PDS5A: variants seen among roughly 807,000 people sequenced by gnomAD.
PDS5A encodes the protein PDS5 cohesin associated factor A, also known as sister chromatid cohesion protein PDS5 homolog A.
A neutral mutation model predicts 167.1 loss-of-function variants in PDS5A; 42 were observed. The observed-to-expected ratio is 0.25, with a 90% CI of 0.20 to 0.33. The LOEUF is 0.33. Among genes scored for constraint, PDS5A ranks in the 10% least tolerant of loss-of-function variants. PDS5A has a pLI of 1.00. For missense variants in PDS5A, 1,033 were observed against 1,605.9 expected (o/e 0.64, Z 6.10); for synonymous variants, 553 against 554.6 (o/e 1.00, Z 0.04).
intron 14 of PDS5A, among the ~76,000 whole-genome samples, chr4:39,899,198 A>G (rs1222511471): frequency 6.6e-6 from 1 of 152,170 alleles, no homozygotes; most frequent in East Asian, 1.9e-4. Context: ...AAAATTAACT[A>G]AAAATATAGA....
chr4:39,945,458 C>CAAAAAAAAA (rs1210256217), intron 2 of PDS5A, among the ~76,000 whole-genome samples: 13 of 66,824 alleles, frequency 1.9e-4, no homozygotes, highest in Admixed American at 1.5e-3. Context: ...GAGACTGCCT[C>CAAAAAAAAA]AAAAAAAAAA....
At position 39,898,421 on chromosome 4, in the gene PDS5A, T is replaced by C. The variant is rs193075238; in HGVS notation, c.1738A>G (p.Thr580Ala). ...ATATCTGCTTGTTTGCAAGAACAGG[T>C]TGGGCTAATTAATAACTCCAACTGA... is the stretch of plus-strand genomic sequence containing the variant. The part of the protein sequence containing the change: ...RSQLELLISP[T>A]CSCKQADICV... Residue 580 changes from threonine (T) to alanine (A), a missense_variant, in exon 16 of 33, where the codon ACC becomes GCC. Around this residue, in one of 4 missense-constraint regions of PDS5A, gnomAD observed 367 missense variants for 686.7 expected, o/e 0.53. Transcript: ENST00000303538. 7.6e-5 allele frequency: 120 copies of C among 1,585,864 alleles called. 1 individual carries two copies. In the East Asian group the frequency reaches 1.9e-3, roughly 25 times the overall value.
chr4:39,867,051 G>C, intron 22 of PDS5A, 54 bp from the exon 23 acceptor site: 1 of 1,402,962 alleles, frequency 7.1e-7, no homozygotes, highest in East Asian at 2.4e-5. Context: ...TCCAATTAAA[G>C]GGAAAATTAA....
At chr4:39,891,516 C>T (rs545232906) in intron 16 of PDS5A, among the ~76,000 whole-genome samples, 3 of 152,006 alleles carry the variant, frequency 2.0e-5, no homozygotes, top group South Asian at 4.2e-4. Context: ...GGCTTGGTGG[C>T]GCATGCCTGT....
chr4:39,829,653 A>G (rs1425265269), intron 32 of PDS5A, among the ~76,000 whole-genome samples: 1 of 149,804 alleles, frequency 6.7e-6, no homozygotes, highest in African/African-American at 2.5e-5. Flanking sequence ...TCTCCACAAA[A>G]AAAAAAAAAA....
chr4:39,874,158 T>C (rs1720279046), intron 20 of PDS5A, 131 bp downstream of exon 20: 2 of 648,368 alleles, frequency 3.1e-6, no homozygotes, highest in East Asian at 2.7e-5. Flanking sequence ...GAATCCTTGC[T>C]CACAAGGAAT....
intron 16 of PDS5A, among the ~76,000 whole-genome samples, chr4:39,895,416 G>A (rs1157809649): frequency 6.6e-6 from 1 of 151,832 alleles, no homozygotes; most frequent in Non-Finnish European, 1.5e-5. Flanking sequence ...AAATATAAAA[G>A]ATAAAAACAC....
intron 11 of PDS5A, among the ~76,000 whole-genome samples, chr4:39,907,787 C>T (rs569390592): frequency 2.0e-5 from 3 of 152,162 alleles, no homozygotes; most frequent in East Asian, 1.9e-4. Flanking sequence ...GGGGTTTCAC[C>T]GTGTTAGCCA....
At chr4:39,890,113 G>C in intron 17 of PDS5A, 136 bp downstream of exon 17, 1 of 485,070 alleles carries the variant, frequency 2.1e-6, no homozygotes, top group Non-Finnish European at 3.6e-6. Flanking sequence ...CCTTCAACTT[G>C]AATGATGTAC....
chr4:39,845,379 C>G (rs78041971), intron 29 of PDS5A, among the ~76,000 whole-genome samples: 1 of 151,930 alleles, frequency 6.6e-6, no homozygotes, highest in Non-Finnish European at 1.5e-5. Context: ...ATAAATGCTC[C>G]TATAAATAAA....
intron 22 of PDS5A, 114 bp downstream of exon 22, chr4:39,869,280 G>C (rs944556102): frequency 4.1e-6 from 3 of 735,908 alleles, no homozygotes; most frequent in Non-Finnish European, 7.3e-6. Flanking sequence ...AGACCAAACT[G>C]AGCAACACAG....
In PDS5A at chr4:39,897,151, T is replaced by C. The variant is rs151039243; in HGVS notation, c.1770+1238A>G. On this transcript the variant is annotated intron_variant, in intron 16 of 32. Transcript: ENST00000303538. ...GCTCATGCCTGTAACCCCAGCACTTTGGGAGGCCGAGGTGGGTGGATCACC... is the reference window on the plus strand; with the variant it reads ...GCTCATGCCTGTAACCCCAGCACTTCGGGAGGCCGAGGTGGGTGGATCACC... 6.3e-3 allele frequency among the ~76,000 whole-genome samples: 960 copies of C among 152,168 alleles called. 9 individuals are homozygous for C. Among genetic ancestry groups the C allele is most frequent in the African/African-American group, 0.021 (889 of 41,534 alleles).
At chr4:39,958,368 A>G (rs1729161159) in intron 2 of PDS5A, among the ~76,000 whole-genome samples, 1 of 150,884 alleles carries the variant, frequency 6.6e-6, no homozygotes, top group East Asian at 2.1e-4. Flanking sequence ...TTAACCGGGC[A>G]TGGTGGTGTG....
intron 30 of PDS5A, 129 bp from the exon 31 acceptor site, chr4:39,842,185 C>T (rs1186188409): frequency 1.3e-5 from 8 of 623,048 alleles, no homozygotes; most frequent in South Asian, 6.1e-5. Context: ...TAGCAAGATT[C>T]GGATACTCTG....
chr4:39,920,973 A>AT (rs1201085575), intron 6 of PDS5A, among the ~76,000 whole-genome samples: 3 of 152,096 alleles, frequency 2.0e-5, no homozygotes, highest in African/African-American at 7.2e-5. Context: ...ATATTATTTA[A>AT]TTTTTTTTAA....
intron 2 of PDS5A, chr4:39,973,205 C>G: frequency 1.6e-6 from 2 of 1,285,808 alleles, no homozygotes; most frequent in East Asian, 2.3e-5. Context: ...TGTAATATAG[C>G]TAGCTTCATG....
intron 2 of PDS5A, among the ~76,000 whole-genome samples, chr4:39,963,195 G>C (rs2460251): frequency 0.63 from 95,566 of 151,520 alleles, 31,153 homozygotes; most frequent in Middle Eastern, 0.81. Context: ...GTGGCTCACA[G>C]CTGTAATCCC....
intron 6 of PDS5A, 60 bp downstream of exon 6, chr4:39,922,562 A>G (rs912193586): frequency 2.2e-6 from 3 of 1,387,094 alleles, no homozygotes; most frequent in African/African-American, 1.4e-5. Flanking sequence ...ACAACTGTTC[A>G]TTCTTATGTG....
chr4:39,829,745 A>T (rs1328254878), intron 32 of PDS5A, among the ~76,000 whole-genome samples: 1 of 151,714 alleles, frequency 6.6e-6, no homozygotes, highest in African/African-American at 2.4e-5. Context: ...AGGTCAGGAG[A>T]TCAAGACCAT....
Sources: gnomAD v4.1 joint callset for allele counts (sites outside exome capture counted in the v4.1 genomes callset) on GRCh38, gnomAD v4.1.1 for gene constraint, gnomAD v4.1.1 regional missense constraint, MANE v1.5 for transcripts, NCBI Gene and HGNC (gene_info 2026-07-23, HGNC 2026-07-21) for gene names.